CTSO: variants seen among roughly 807,000 people sequenced by gnomAD.
The protein encoded by CTSO is cathepsin O.
CTSO carries 40 observed loss-of-function variants against 42.4 expected under a neutral mutation model. The ratio of observed to expected loss-of-function variants is 0.94; its 90% CI spans 0.73 to 1.23. The LOEUF (loss-of-function observed/expected upper bound fraction) is 1.23, where lower values mean the gene tolerates loss of function less well. Ranked by LOEUF, CTSO falls within the 50% of genes most tolerant of loss-of-function variation. The pLI, the probability that CTSO is intolerant of heterozygous loss-of-function variation, is 0.00. For missense variants in CTSO, 441 were observed against 396.0 expected (o/e 1.11, Z -0.96); for synonymous variants, 156 against 146.2 (o/e 1.07, Z -0.48).
At chr4:155,950,868 C>A (rs1403947050) in intron 1 of CTSO, among the ~76,000 whole-genome samples, 7 of 151,852 alleles carry the variant, frequency 4.6e-5, no homozygotes, top group Non-Finnish European at 7.4e-5. Flanking sequence ...ACACCCCAGT[C>A]CGTGGAAAAA....
intron 1 of CTSO, among the ~76,000 whole-genome samples, chr4:155,950,389 G>A (rs7697670): frequency 0.89 from 135,493 of 152,228 alleles, 61,860 homozygotes; most frequent in East Asian, 1. Context: ...TAGACACAGT[G>A]GAAATTAAAT....
At chr4:155,930,236 G>A (rs967383800) in intron 5 of CTSO, among the ~76,000 whole-genome samples, 3 of 152,138 alleles carry the variant, frequency 2.0e-5, no homozygotes, top group African/African-American at 7.2e-5. Context: ...GCGATACCTT[G>A]CCATCTCTGC....
intron 5 of CTSO, among the ~76,000 whole-genome samples, chr4:155,933,746 A>C (rs1461475071): frequency 1.3e-5 from 2 of 152,200 alleles, no homozygotes; most frequent in South Asian, 2.1e-4. Flanking sequence ...GCATTTTGCC[A>C]CTGCCCTAGA....
intron 6 of CTSO, among the ~76,000 whole-genome samples, chr4:155,929,068 G>A (rs1297920779): frequency 2.0e-5 from 3 of 152,234 alleles, no homozygotes; most frequent in African/African-American, 7.2e-5. Context: ...GCGTTCTTAA[G>A]CCACAAACAA....
chr4:155,929,767 C>T (rs1743202081), intron 5 of CTSO, 62 bp from the exon 6 acceptor site: 8 of 1,464,786 alleles, frequency 5.5e-6, no homozygotes, highest in South Asian at 3.9e-5. Flanking sequence ...TAACAATGAT[C>T]TATATAATCT....
chr4:155,945,931 G>A (rs1191309296), intron 1 of CTSO, among the ~76,000 whole-genome samples: 1 of 151,958 alleles, frequency 6.6e-6, no homozygotes, highest in Non-Finnish European at 1.5e-5. Flanking sequence ...CACACCAAAT[G>A]CGCACACACA....
At chr4:155,932,349 T>C (rs1560785354) in intron 5 of CTSO, among the ~76,000 whole-genome samples, 1 of 152,146 alleles carries the variant, frequency 6.6e-6, no homozygotes, top group Non-Finnish European at 1.5e-5. Context: ...CTAATCCGAC[T>C]CCACAGTTTA....
chr4:155,953,657 C>A (rs1035858352), intron 1 of CTSO, 56 bp downstream of exon 1: 4 of 1,234,300 alleles, frequency 3.2e-6, no homozygotes, highest in Non-Finnish European at 4.0e-6. Context: ...CAGCCCAGAC[C>A]CGGGACAGGA....
At chr4:155,939,565 T>C (rs1743392610) in intron 3 of CTSO, 27 bp from the exon 4 acceptor site, 2 of 1,581,918 alleles carry the variant, frequency 1.3e-6, no homozygotes, top group African/African-American at 1.3e-5. Flanking sequence ...AAAGGGGTGG[T>C]ATTTCCAGGG....
In CTSO at chr4:155,929,700, T is replaced by G. The variant is rs1743198909; in HGVS notation, c.680A>C (p.Gln227Pro). ...AAGTGCTTTTGCCATTTCATCTTCT[T>G]GGTCACTACCAAAAGAGGAAATATT... ...KGYSAYDFSD[Q>P]EDEMAKALLT... Residue 227 changes from glutamine to proline, a missense_variant, in exon 6 of 8, where the codon CAA becomes CCA. Transcript: ENST00000433477. 6.2e-7 allele frequency: 1 copy of G among 1,608,394 alleles called. No individual in the cohort carries two copies. The highest frequency in any genetic ancestry group is 8.5e-7 in the Non-Finnish European group (1 of 1,178,724).
chr4:155,926,555 C>G (rs922995443), intron 7 of CTSO, among the ~76,000 whole-genome samples: 59 of 152,182 alleles, frequency 3.9e-4, no homozygotes, highest in Non-Finnish European at 5.9e-5. Flanking sequence ...AATAGCCTAT[C>G]TGAAGACTGG....
intron 5 of CTSO, among the ~76,000 whole-genome samples, chr4:155,933,382 C>A (rs1291613127): frequency 6.6e-6 from 1 of 152,156 alleles, no homozygotes; most frequent in Admixed American, 6.5e-5. Flanking sequence ...TCCAATTAAA[C>A]CTTTCTCTTC....
At chr4:155,928,249 G>T in intron 7 of CTSO, 87 bp downstream of exon 7, 1 of 856,520 alleles carries the variant, frequency 1.2e-6, no homozygotes, top group Non-Finnish European at 1.7e-6. Context: ...TACTGCTAAA[G>T]TGGTTTGAGT....
In CTSO at chr4:155,924,575, A is replaced by G. The variant is rs1743097214; in HGVS notation, c.*1461T>C. 6.6e-6 allele frequency: 1 copy of G among 151,982 alleles called. No individual in the cohort carries two copies. The highest frequency in any genetic ancestry group is 2.4e-5 in the African/African-American group (1 of 41,368). The allele number at this position is 151,982 out of a possible 1,614,324, so 9.4% of individuals were successfully genotyped here. On this transcript the variant is annotated 3_prime_UTR_variant, in exon 8 of 8. Coordinates refer to ENST00000433477, the MANE Select transcript of CTSO (RefSeq NM_001334.3). ...GCATTTCATGTTTCATTTTTGTTAG[A>G]TCATATACATTAGAAAAGAATGATA... is the stretch of plus-strand genomic sequence containing the variant.
At chr4:155,935,257 T>G (rs1180520309) in intron 5 of CTSO, among the ~76,000 whole-genome samples, 1 of 152,192 alleles carries the variant, frequency 6.6e-6, no homozygotes, top group Non-Finnish European at 1.5e-5. Context: ...CATGTGGAAC[T>G]GTAAGTCCAA....
At chr4:155,941,150 C>T (rs974592906) in intron 3 of CTSO, among the ~76,000 whole-genome samples, 11 of 152,200 alleles carry the variant, frequency 7.2e-5, no homozygotes, top group African/African-American at 2.4e-4. Context: ...TACACATTGA[C>T]TGCGAAACAG....
At position 155,942,429 on chromosome 4, in the gene CTSO, T is replaced by C. The variant is rs751093990; in HGVS notation, c.272A>G (p.Lys91Arg). 1.3e-6 allele frequency: 2 copies of C among 1,553,308 alleles called. No individual in the cohort carries two copies. The highest frequency in any genetic ancestry group is 2.5e-5 in the East Asian group (1 of 40,792). ...TACTTCTGCTGAGTATCTGGGAAAC[T>C]TGGAAGGTTTGCTTCTTAAATAAAT... ...KAIYLRSKPSKFPRYSAEVHM... is the reference protein window; with the variant it reads ...KAIYLRSKPSRFPRYSAEVHM... Residue 91 changes from lysine to arginine, a missense_variant, in exon 3 of 8, where the codon AAG (lysine) becomes AGG (arginine). Lys to Arg is a conservative substitution (Grantham distance 26). Coordinates refer to ENST00000433477, the MANE Select transcript of CTSO (RefSeq NM_001334.3).
rs78704570 is a variant in CTSO, at chr4:155,937,865, C to T, written c.553-382G>A. On this transcript the variant is annotated intron_variant, in intron 4 of 7. Coordinates refer to ENST00000433477, the MANE Select transcript of CTSO (RefSeq NM_001334.3). ...TCCTGGACTCAAGAAATCCACCTGCCTTGGCTTCCCAAAATACTGGGATTA... is the reference window on the plus strand; with the variant it reads ...TCCTGGACTCAAGAAATCCACCTGCTTTGGCTTCCCAAAATACTGGGATTA... Among the ~76,000 whole-genome samples, 63 of 152,298 alleles carry T rather than the reference C, an allele frequency of 4.1e-4. No individual in the cohort carries two copies. The East Asian group carries it at 9.5e-3, about 23-fold the overall frequency.
At chr4:155,947,769 A>G (rs1398735629) in intron 1 of CTSO, among the ~76,000 whole-genome samples, 2 of 152,188 alleles carry the variant, frequency 1.3e-5, no homozygotes, top group Non-Finnish European at 2.9e-5. Context: ...ATTACATCCA[A>G]CAACCTCCGT....
Sources: allele counts gnomAD v4.1 joint callset (sites outside exome capture counted in the v4.1 genomes callset), GRCh38; gene constraint gnomAD v4.1.1; transcripts MANE v1.5; gene names NCBI Gene and HGNC (gene_info 2026-07-23, HGNC 2026-07-21).